PLSCR4: variants seen among roughly 807,000 people sequenced by gnomAD.
PLSCR4 encodes Ca(2+)-dependent phospholipid scramblase 4.
In PLSCR4, 25 loss-of-function variants were observed where a neutral mutation model predicts 36.3. That is an observed-to-expected ratio of 0.69 (90% CI 0.50 to 0.96). The LOEUF is 0.96. Among genes scored for constraint, PLSCR4 ranks in the 40% least tolerant of loss-of-function variants. PLSCR4 has a pLI of 0.00. For synonymous variants in PLSCR4, 122 were observed against 132.9 expected (o/e 0.92, Z 0.56); for missense variants, 408 against 414.7 (o/e 0.98, Z 0.14).
intron 1 of PLSCR4, among the ~76,000 whole-genome samples, chr3:146,249,579 T>C: frequency 6.6e-6 from 1 of 151,276 alleles, no homozygotes; most frequent in East Asian, 1.9e-4. Context: ...CTCCACTATA[T>C]ATATGTGTGT....
chr3:146,195,339 A>C, intron 7 of PLSCR4, 57 bp from the exon 8 acceptor site: 1 of 1,340,606 alleles, frequency 7.5e-7, no homozygotes, highest in Non-Finnish European at 1.1e-6. Flanking sequence ...GCATGTTTTA[A>C]TGTTCTGCTT....
chr3:146,200,100 T>C, intron 5 of PLSCR4, 61 bp from the exon 6 acceptor site: 1 of 954,990 alleles, frequency 1.0e-6, no homozygotes, highest in South Asian at 1.4e-5. Context: ...CAGAAAGTCC[T>C]TGTTTAGTAT....
intron 1 of PLSCR4, chr3:146,250,618 G>A (rs905075899): frequency 1.3e-5 from 2 of 152,222 alleles, no homozygotes; most frequent in Non-Finnish European, 2.9e-5. Context: ...AGACCCATGA[G>A]AAACCCAATC....
At chr3:146,205,262 C>T (rs1478762254) in intron 4 of PLSCR4, among the ~76,000 whole-genome samples, 1 of 152,004 alleles carries the variant, frequency 6.6e-6, no homozygotes, top group African/African-American at 2.4e-5. Flanking sequence ...ACTTTCCAAG[C>T]CCTCAGTGGA....
At chr3:146,197,110 G>A (rs1467184042) in intron 6 of PLSCR4, among the ~76,000 whole-genome samples, 2 of 152,088 alleles carry the variant, frequency 1.3e-5, no homozygotes, top group African/African-American at 4.8e-5. Flanking sequence ...AAAAATATAA[G>A]TATTTTAATC....
chr3:146,247,038 C>A (rs562205054), intron 1 of PLSCR4, among the ~76,000 whole-genome samples: 1 of 152,034 alleles, frequency 6.6e-6, no homozygotes, highest in Non-Finnish European at 1.5e-5. Flanking sequence ...ATATACTTTT[C>A]TGTGTCTTTT....
At position 146,238,221 on chromosome 3, in the gene PLSCR4, G is replaced by C. The variant is rs1458587674; in HGVS notation, c.-22+12739C>G. ...ACTTCCCACAAAAAAAAAAACCCAGGTACAGATGATTTACTTGTGCATTCT... is the reference window on the plus strand; with the variant it reads ...ACTTCCCACAAAAAAAAAAACCCAGCTACAGATGATTTACTTGTGCATTCT... On this transcript the variant is annotated intron_variant, in intron 1 of 8. Coordinates refer to ENST00000354952, the MANE Select transcript of PLSCR4 (RefSeq NM_020353.3). Among the ~76,000 whole-genome samples, 3 of 150,840 alleles carry C rather than the reference G, an allele frequency of 2.0e-5. No homozygotes were observed. In the East Asian group the frequency reaches 5.8e-4, roughly 29 times the overall value.
At chr3:146,198,119 G>A (rs72991424) in intron 6 of PLSCR4, among the ~76,000 whole-genome samples, 2,607 of 152,060 alleles carry the variant, frequency 0.017, 70 homozygotes, top group African/African-American at 0.058. Flanking sequence ...TAACACTCTC[G>A]AAATGACAAG....
intron 3 of PLSCR4, among the ~76,000 whole-genome samples, chr3:146,212,810 G>A (rs1478023770): frequency 2.0e-5 from 3 of 152,230 alleles, no homozygotes; most frequent in South Asian, 2.1e-4. Flanking sequence ...TGAAATGAAC[G>A]TTTTCAGTCT....
intron 7 of PLSCR4, among the ~76,000 whole-genome samples, chr3:146,195,795 A>G (rs899647574): frequency 2.0e-5 from 3 of 152,208 alleles, no homozygotes; most frequent in African/African-American, 7.2e-5. Context: ...ACTAACTTCT[A>G]ATGTCACTTG....
intron 1 of PLSCR4, among the ~76,000 whole-genome samples, chr3:146,235,428 A>G (rs2035875142): frequency 6.6e-6 from 1 of 152,044 alleles, no homozygotes; most frequent in Admixed American, 6.6e-5. Context: ...AAGTTTCCTG[A>G]GGCCTCCCCA....
At chr3:146,209,955 AG>A (rs1212496334) in intron 3 of PLSCR4, among the ~76,000 whole-genome samples, 1 of 152,116 alleles carries the variant, frequency 6.6e-6, no homozygotes, top group Non-Finnish European at 1.5e-5. Context: ...TTTTATGTTA[AG>A]ATTTCAGTAT....
At chr3:146,197,694 T>A (rs2033822128) in intron 6 of PLSCR4, among the ~76,000 whole-genome samples, 1 of 152,218 alleles carries the variant, frequency 6.6e-6, no homozygotes, top group South Asian at 2.1e-4. Flanking sequence ...TAATAATGAG[T>A]CATAAAGATT....
intron 1 of PLSCR4, among the ~76,000 whole-genome samples, chr3:146,224,027 G>T (rs1466291864): frequency 6.6e-6 from 1 of 150,988 alleles, no homozygotes; most frequent in African/African-American, 2.4e-5. Flanking sequence ...GCCAGTAAAA[G>T]GAGTTCAAGG....
chr3:146,213,948 G>A (rs1385632713), intron 3 of PLSCR4, among the ~76,000 whole-genome samples: 2 of 151,778 alleles, frequency 1.3e-5, no homozygotes, highest in Non-Finnish European at 2.9e-5. Context: ...TTGACTTAAG[G>A]TTTCTTAATT....
rs1553753575 is a variant in PLSCR4, at chr3:146,223,099, C to CGTGTT, written c.-21-1008_-21-1007insAACAC. 9.3e-4 allele frequency among the ~76,000 whole-genome samples: 141 copies of CGTGTT among 151,426 alleles called. 1 individual carries two copies. The highest frequency in any genetic ancestry group is 4.2e-4 in the South Asian group (2 of 4,794). On this transcript the variant is annotated intron_variant, in intron 1 of 8. Coordinates refer to ENST00000354952, the MANE Select transcript of PLSCR4 (RefSeq NM_020353.3). ...TAAGAATTGAAAGTTTAGACTGGGG[C>CGTGTT]ATGTTTAAGAAGAGACTAAAAGAAG... is the stretch of plus-strand genomic sequence containing the variant.
At chr3:146,198,963 G>T (rs1306529322) in intron 6 of PLSCR4, among the ~76,000 whole-genome samples, 1 of 152,092 alleles carries the variant, frequency 6.6e-6, no homozygotes, top group African/African-American at 2.4e-5. Flanking sequence ...CTGTGCAGAA[G>T]AATTGACTTA....
intron 1 of PLSCR4, among the ~76,000 whole-genome samples, chr3:146,242,784 C>G (rs62272060): frequency 6.6e-6 from 1 of 152,076 alleles, no homozygotes; most frequent in Non-Finnish European, 1.5e-5. Flanking sequence ...AAATTCCTTA[C>G]GAAAGGCAAA....
rs1451753676 is a variant in PLSCR4 at position 146,192,622 on chromosome 3, C to T, written c.*1789G>A. ...TATAGATATATTTATTATGATGCAG[C>T]AGGTTTTGGAATACAGGGATTTAGG... is the stretch of plus-strand genomic sequence containing the variant. On this transcript the variant is annotated 3_prime_UTR_variant, in exon 9 of 9. Coordinates refer to ENST00000354952, the MANE Select transcript of PLSCR4 (RefSeq NM_020353.3). The T allele has an allele frequency of 6.6e-6, 1 of 151,474 alleles. No individual in the cohort carries two copies. Among genetic ancestry groups the T allele is most frequent in the Non-Finnish European group, 1.5e-5 (1 of 67,864 alleles). The allele number at this position is 151,474 out of a possible 1,614,324, so 9.4% of individuals were successfully genotyped here.
Sources: gnomAD v4.1 joint callset for allele counts (sites outside exome capture counted in the v4.1 genomes callset) on GRCh38, gnomAD v4.1.1 for gene constraint, MANE v1.5 for transcripts, NCBI Gene and HGNC (gene_info 2026-07-23, HGNC 2026-07-21) for gene names.